Variants in IGF2BP2 observed in about 807,000 individuals in gnomAD.
IGF2BP2 encodes the protein insulin like growth factor 2 mRNA binding protein 2, also known as insulin-like growth factor 2 mRNA-binding protein 2.
A neutral mutation model predicts 75.8 loss-of-function variants in IGF2BP2; 17 were observed. The ratio of observed to expected loss-of-function variants is 0.22; its 90% CI spans 0.15 to 0.34. The LOEUF (loss-of-function observed/expected upper bound fraction) is 0.34, where lower values mean the gene tolerates loss of function less well. Among genes scored for constraint, IGF2BP2 ranks in the 10% least tolerant of loss-of-function variants. IGF2BP2 has a pLI of 1.00. For synonymous variants in IGF2BP2, 288 were observed against 295.6 expected, an observed-to-expected ratio of 0.97 and a Z score of 0.26; for missense variants, 516 against 772.4, an observed-to-expected ratio of 0.67 and a Z score of 3.93.
intron 10 of IGF2BP2, among the ~76,000 whole-genome samples, chr3:185,669,360 C>T (rs1048139035): frequency 4.6e-5 from 7 of 151,298 alleles, no homozygotes; most frequent in African/African-American, 1.7e-4. Flanking sequence ...TATAAATATA[C>T]ACACACACAC....
At chr3:185,700,358 C>T (rs958157467) in intron 2 of IGF2BP2, among the ~76,000 whole-genome samples, 12 of 152,128 alleles carry the variant, frequency 7.9e-5, no homozygotes, top group African/African-American at 2.4e-4. Flanking sequence ...TCTTGTCTAT[C>T]TTTTTTTAAA....
At chr3:185,805,918 C>T (rs1738964663) in intron 2 of IGF2BP2, among the ~76,000 whole-genome samples, 1 of 151,512 alleles carries the variant, frequency 6.6e-6, no homozygotes, top group Admixed American at 6.6e-5. Flanking sequence ...TTACAGGTGC[C>T]CACCACCCCC....
intron 2 of IGF2BP2, among the ~76,000 whole-genome samples, chr3:185,744,455 T>G (rs1400165427): frequency 6.6e-6 from 1 of 152,200 alleles, no homozygotes; most frequent in Non-Finnish European, 1.5e-5. Context: ...AAATCTCCCA[T>G]AATCCCATCA....
At chr3:185,783,820 AT>A (rs949068456) in intron 2 of IGF2BP2, among the ~76,000 whole-genome samples, 13 of 152,196 alleles carry the variant, frequency 8.5e-5, no homozygotes, top group African/African-American at 3.1e-4. Context: ...GTTTTAAAAT[AT>A]TTTTTGATAT....
intron 2 of IGF2BP2, among the ~76,000 whole-genome samples, chr3:185,737,062 A>G (rs1275350685): frequency 2.0e-5 from 3 of 152,214 alleles, no homozygotes; most frequent in Admixed American, 1.3e-4. Context: ...GTTTCGCATT[A>G]ATTTGTATTT....
intron 8 of IGF2BP2, 54 bp downstream of exon 8, chr3:185,675,737 G>C (rs767594217): frequency 6.3e-7 from 1 of 1,590,782 alleles, no homozygotes; most frequent in Non-Finnish European, 8.6e-7. Context: ...TAGACGTATC[G>C]AAATGCTCAG....
At chr3:185,683,295 T>G (rs1311024785) in intron 7 of IGF2BP2, among the ~76,000 whole-genome samples, 1 of 151,820 alleles carries the variant, frequency 6.6e-6, no homozygotes, top group Non-Finnish European at 1.5e-5. Flanking sequence ...GAAAAGAGAG[T>G]TGTTTAATAG....
rs1424599542 is a variant in IGF2BP2, at chr3:185,665,342, AGAAGG to A, written c.1201-6938_1201-6934del. On this transcript the variant is annotated intron_variant, in intron 10 of 15. Transcript: ENST00000382199. ...GAGAAGGAGGAGGAGGAGGAGGAGG[AGAAGG>A]AGGAGGAGGAGAAGGAGGAGGAGGA... Among the ~76,000 whole-genome samples the A allele has an allele frequency of 4.8e-4, 61 of 126,916 alleles. 2 individuals are homozygous for A. The highest frequency in any genetic ancestry group is 1.8e-3 in the African/African-American group (59 of 32,492). The allele number at this position is 126,916 out of a possible 152,430, so 83.3% of individuals were successfully genotyped here.
At chr3:185,821,202 C>T in intron 2 of IGF2BP2, 1 of 1,328,900 alleles carries the variant, frequency 7.5e-7, no homozygotes. Context: ...ACCATCCAAT[C>T]AGAAATGATG....
At chr3:185,689,218 G>T in intron 6 of IGF2BP2, 137 bp downstream of exon 6, 2 of 864,318 alleles carry the variant, frequency 2.3e-6, no homozygotes, top group Non-Finnish European at 3.5e-6. Flanking sequence ...TAGTAGTCCT[G>T]TTGAAAGAAG....
chr3:185,722,259 G>T lies in IGF2BP2; in HGVS notation c.240-23912C>A, dbSNP rs115684700. The T allele has an allele frequency of 5.2e-3, 2,392 of 456,310 alleles. 6 individuals carry two copies. Among genetic ancestry groups the T allele is most frequent in the Non-Finnish European group, 8.3e-3 (1,891 of 226,874 alleles). 28.3% of individuals were successfully genotyped at this position (456,310 alleles called of 1,614,324 possible). A position where few individuals can be genotyped will look rare whatever the true frequency, so the allele number is the denominator to read the frequency against. On this transcript the variant is annotated intron_variant, in intron 2 of 15. Transcript: ENST00000382199. The stretch of plus-strand genomic sequence containing the variant: ...GCAAGTGTTTATCCCCATTCCATAG[G>T]GGGTGAAACTGAGGCACAAAAAGAG...
At chr3:185,777,684 C>T (rs183067550) in intron 2 of IGF2BP2, among the ~76,000 whole-genome samples, 53 of 152,186 alleles carry the variant, frequency 3.5e-4, no homozygotes, top group Middle Eastern at 6.8e-3. Context: ...TGGGTTAAAT[C>T]AAGGAATAAA....
chr3:185,665,419 A>AAGGAGAAGGAGG (rs1717291232), intron 10 of IGF2BP2, among the ~76,000 whole-genome samples: 1 of 50,586 alleles, frequency 2.0e-5, no homozygotes, highest in Non-Finnish European at 4.1e-5. Context: ...AAAGGAGGAG[A>AAGGAGAAGGAGG]AGGAGAAGGA....
At chr3:185,692,434 A>T (rs1458281529) in intron 5 of IGF2BP2, among the ~76,000 whole-genome samples, 2 of 152,092 alleles carry the variant, frequency 1.3e-5, no homozygotes, top group Non-Finnish European at 2.9e-5. Context: ...AACATTTTTC[A>T]AGTCTCTACA....
chr3:185,715,015 C>T (rs1042731927), intron 2 of IGF2BP2, among the ~76,000 whole-genome samples: 3 of 152,168 alleles, frequency 2.0e-5, no homozygotes, highest in Non-Finnish European at 4.4e-5. Flanking sequence ...CCTCACATGC[C>T]GCACTGCCAA....
chr3:185,645,211 T>C lies in IGF2BP2; in HGVS notation c.*320A>G, dbSNP rs534459769. ...CTTTGAACACGTTCACCTATGTTAG[T>C]TCAACTAAAAGGGATAGCGTCGTGG... On this transcript the variant is annotated 3_prime_UTR_variant, in exon 16 of 16. Coordinates refer to ENST00000382199, the MANE Select transcript of IGF2BP2 (RefSeq NM_006548.6). The surrounding 1 kb of genome is among the most constrained non-coding windows in gnomAD (Gnocchi z 4.9). 1.4e-5 allele frequency: 5 copies of C among 368,252 alleles called. No individual in the cohort carries two copies. The South Asian group carries it at 2.6e-4, about 19-fold the overall frequency. 22.8% of individuals were successfully genotyped at this position (368,252 alleles called of 1,614,324 possible). A position where few individuals can be genotyped will look rare whatever the true frequency, so the allele number is the denominator to read the frequency against.
At chr3:185,773,455 A>AAT (rs371199324) in intron 2 of IGF2BP2, among the ~76,000 whole-genome samples, 202 of 152,346 alleles carry the variant, frequency 1.3e-3, no homozygotes, top group African/African-American at 4.6e-3. Context: ...TTCAAATGGA[A>AAT]ATATACATGA....
At chr3:185,707,588 T>C (rs1724228025) in intron 2 of IGF2BP2, among the ~76,000 whole-genome samples, 1 of 152,046 alleles carries the variant, frequency 6.6e-6, no homozygotes, top group African/African-American at 2.4e-5. Flanking sequence ...ATTACAGGCG[T>C]GAGCCACCGA....
At chr3:185,693,837 CA>C (rs1182379075) in intron 4 of IGF2BP2, among the ~76,000 whole-genome samples, 1 of 152,008 alleles carries the variant, frequency 6.6e-6, no homozygotes, top group African/African-American at 2.4e-5. Flanking sequence ...ACCTGCTGTC[CA>C]AAGTAATAAT....
Sources: allele counts gnomAD v4.1 joint callset (sites outside exome capture counted in the v4.1 genomes callset), GRCh38; gene constraint gnomAD v4.1.1; non-coding constraint Gnocchi (gnomAD v3.1); transcripts MANE v1.5; gene names NCBI Gene and HGNC (gene_info 2026-07-23, HGNC 2026-07-21).